The following POU6F2 variants were observed in gnomAD, a reference collection of about 807,000 sequenced individuals.
The protein encoded by POU6F2 is POU class 6 homeobox 2.
POU6F2 carries 31 observed loss-of-function variants against 71.3 expected under a neutral mutation model. That is an observed-to-expected ratio of 0.43 (90% confidence interval 0.33 to 0.59). POU6F2 has a LOEUF of 0.59. POU6F2 is among the 20% of genes least tolerant of loss of function. The probability of loss-of-function intolerance (pLI) is 0.04; values close to 1 mark genes in which losing one functional copy is unlikely to be tolerated. For synonymous variants in POU6F2, 347 were observed against 355.7 expected, an observed-to-expected ratio of 0.98 and a Z score of 0.27; for missense variants, 783 against 856.8, an observed-to-expected ratio of 0.91 and a Z score of 1.07.
At position 39,406,669 on chromosome 7, in the gene POU6F2, C is replaced by T; in HGVS notation, c.1042C>T (p.Gln348Ter). The change falls in exon 6 of 10, where the codon CAG becomes TAG. Residue 348 changes from glutamine to a stop codon, truncating the protein, a stop_gained. Coordinates refer to ENST00000518318, the MANE Select transcript of POU6F2 (RefSeq NM_001370959.1). LOFTEE classifies it high-confidence loss of function. ...AAAMSSIASS[Q>*]AFGNALSSLQ... ...AGCCATGAGCTCCATAGCAAGCTCACAGGCCTTTGGCAATGCCCTCTCCAG... is the reference window on the plus strand; with the variant it reads ...AGCCATGAGCTCCATAGCAAGCTCATAGGCCTTTGGCAATGCCCTCTCCAG... The T allele has an allele frequency of 6.2e-7, 1 of 1,613,812 alleles. No individual in the cohort carries two copies. The highest frequency in any genetic ancestry group is 8.5e-7 in the Non-Finnish European group (1 of 1,179,836).
chr7:39,286,198 TACCAGCAAGATGGGGCTGGGGGCTAC>T (rs1265581256), intron 4 of POU6F2, among the ~76,000 whole-genome samples: 1 of 152,150 alleles, frequency 6.6e-6, no homozygotes, highest in Non-Finnish European at 1.5e-5. Context: ...CTATCCCACT[TACCAGCAAGATGGGGCTGGGGGCTAC>T]ATTACATAGA....
chr7:39,337,882 C>T (rs546294350), intron 4 of POU6F2, among the ~76,000 whole-genome samples: 24 of 152,188 alleles, frequency 1.6e-4, no homozygotes, highest in South Asian at 4.2e-4. Context: ...TATGAACTTA[C>T]GGATATGGAG....
At chr7:39,106,443 T>C (rs75078405) in intron 2 of POU6F2, among the ~76,000 whole-genome samples, 3,298 of 152,330 alleles carry the variant, frequency 0.022, 113 homozygotes, top group African/African-American at 0.07. Flanking sequence ...CATGCAGTAA[T>C]AAAATGGGTT....
intron 4 of POU6F2, among the ~76,000 whole-genome samples, chr7:39,333,873 A>C (rs2329387): frequency 0.048 from 7,326 of 152,234 alleles, 250 homozygotes; most frequent in African/African-American, 0.097. Flanking sequence ...TAGGAGCCCC[A>C]AGGGTAATGG....
At position 39,311,680 on chromosome 7, in the gene POU6F2, TAGAG is replaced by T. The variant is rs1231345462; in HGVS notation, c.599-27955_599-27952del. On this transcript the variant is annotated intron_variant, in intron 4 of 9. Coordinates refer to ENST00000518318, the MANE Select transcript of POU6F2 (RefSeq NM_001370959.1). The stretch of plus-strand genomic sequence containing the variant: ...AGCTATGTAGGTGTAGGTATAAACA[TAGAG>T]AGAGAGCAGTGGCTATAGCTGTAGA... 5.3e-5 allele frequency among the ~76,000 whole-genome samples: 8 copies of T among 152,050 alleles called. No homozygotes were observed. The South Asian group carries it at 8.3e-4, about 16-fold the overall frequency.
chr7:39,031,600 C>T (rs1272317232), intron 1 of POU6F2, among the ~76,000 whole-genome samples: 2 of 151,966 alleles, frequency 1.3e-5, no homozygotes, highest in African/African-American at 2.4e-5. Flanking sequence ...TTGCACTTGC[C>T]AGCCGGGCAC....
chr7:39,102,206 T>C, intron 2 of POU6F2, among the ~76,000 whole-genome samples: 1 of 152,038 alleles, frequency 6.6e-6, no homozygotes, highest in South Asian at 2.1e-4. Flanking sequence ...TATTGAGAGG[T>C]TAATTTATTC....
At chr7:39,273,791 T>G (rs1024643704) in intron 4 of POU6F2, among the ~76,000 whole-genome samples, 1 of 152,154 alleles carries the variant, frequency 6.6e-6, no homozygotes, top group African/African-American at 2.4e-5. Flanking sequence ...TGTAACACTT[T>G]AGTTGCTTCA....
chr7:39,409,688 C>T (rs1308289301), intron 6 of POU6F2, among the ~76,000 whole-genome samples: 1 of 151,852 alleles, frequency 6.6e-6, no homozygotes, highest in Non-Finnish European at 1.5e-5. Context: ...CTCGGCTGGG[C>T]AGATGTCCAC....
At chr7:39,168,530 A>G (rs1793157460) in intron 2 of POU6F2, among the ~76,000 whole-genome samples, 1 of 152,220 alleles carries the variant, frequency 6.6e-6, no homozygotes, top group Non-Finnish European at 1.5e-5. Flanking sequence ...AAATAAGTTA[A>G]GCAATACAGA....
chr7:39,301,354 A>G (rs1583508241), intron 4 of POU6F2, among the ~76,000 whole-genome samples: 1 of 152,198 alleles, frequency 6.6e-6, no homozygotes, highest in Admixed American at 6.5e-5. Context: ...CCTTTCCTCC[A>G]GGCACTGTTC....
intron 4 of POU6F2, among the ~76,000 whole-genome samples, chr7:39,297,285 T>C (rs1280264417): frequency 1.3e-5 from 2 of 151,244 alleles, no homozygotes; most frequent in Admixed American, 1.3e-4. Context: ...GAATTCAGCA[T>C]TCCTGTATGA....
At chr7:39,017,657 G>A (rs1411215007) in intron 1 of POU6F2, among the ~76,000 whole-genome samples, 2 of 152,108 alleles carry the variant, frequency 1.3e-5, no homozygotes, top group Non-Finnish European at 2.9e-5. Flanking sequence ...CCACCCTGGG[G>A]TAGCCATACC....
Position 39,394,745 on chromosome 7 carries a change from T to C in POU6F2, c.973-11855T>C, listed in dbSNP as rs929842093. Among the ~76,000 whole-genome samples, 12 of 152,286 alleles carry C rather than the reference T, an allele frequency of 7.9e-5. 1 individual carries two copies. In the South Asian group the frequency reaches 8.3e-4, roughly 11 times the overall value. On this transcript the variant is annotated intron_variant, in intron 5 of 9. Coordinates refer to ENST00000518318, the MANE Select transcript of POU6F2 (RefSeq NM_001370959.1). ...TGTGATTTATCCAGGATTGAGCTGC[T>C]ATCAGTTCTTTTGTGAAGCATCCAT...
At chr7:39,377,633 C>G (rs1325791983) in intron 5 of POU6F2, among the ~76,000 whole-genome samples, 4 of 152,240 alleles carry the variant, frequency 2.6e-5, no homozygotes, top group East Asian at 3.9e-4. Flanking sequence ...TAGCTCCCTG[C>G]TCCCCCCTCG....
chr7:39,295,328 T>A (rs1384422855), intron 4 of POU6F2, among the ~76,000 whole-genome samples: 2 of 152,148 alleles, frequency 1.3e-5, no homozygotes, highest in African/African-American at 4.8e-5. Context: ...AAGTTGGATA[T>A]GGGGAGGCCC....
At chr7:39,097,857 T>C (rs1039735195) in intron 2 of POU6F2, among the ~76,000 whole-genome samples, 14 of 152,218 alleles carry the variant, frequency 9.2e-5, no homozygotes, top group Non-Finnish European at 1.5e-4. Flanking sequence ...CTATTTTACT[T>C]GATCATTTCT....
At chr7:38,992,868 G>T (rs1788640534) in intron 1 of POU6F2, among the ~76,000 whole-genome samples, 1 of 152,186 alleles carries the variant, frequency 6.6e-6, no homozygotes, top group South Asian at 2.1e-4. Flanking sequence ...TCTGGGAAAT[G>T]GATTATTCAA....
At chr7:39,037,735 C>G (rs1025682282) in intron 1 of POU6F2, among the ~76,000 whole-genome samples, 4 of 151,988 alleles carry the variant, frequency 2.6e-5, no homozygotes, top group African/African-American at 9.7e-5. Context: ...TTTTCAAAAA[C>G]AGGTCTAGTT....
Sources: gnomAD v4.1 joint callset for allele counts (sites outside exome capture counted in the v4.1 genomes callset) on GRCh38, gnomAD v4.1.1 for gene constraint, MANE v1.5 for transcripts, NCBI Gene and HGNC (gene_info 2026-07-23, HGNC 2026-07-21) for gene names.